Variants in HECW1 observed in about 807,000 individuals in gnomAD.
HECW1 encodes the protein HECT, C2 and WW domain containing E3 ubiquitin protein ligase 1.
Under a neutral mutation model 182.3 loss-of-function variants are expected in HECW1, and 61 were observed. The observed-to-expected ratio is 0.33, with a 90% confidence interval of 0.27 to 0.41. HECW1 has a LOEUF of 0.41. Ranked by LOEUF, HECW1 falls within the 10% of genes least tolerant of loss-of-function variation. HECW1 has a pLI of 1.00. For synonymous variants in HECW1, 859 were observed against 832.6 expected (o/e 1.03, Z -0.55); for missense variants, 1,739 against 2,108.9 (o/e 0.82, Z 3.44).
At chr7:43,217,894 G>C (rs2152700468) in intron 2 of HECW1, among the ~76,000 whole-genome samples, 1 of 152,304 alleles carries the variant, frequency 6.6e-6, no homozygotes, top group African/African-American at 2.4e-5. Flanking sequence ...CCCAAGAGCA[G>C]TGTTATCTAG....
chr7:43,418,213 A>T (rs1391837994), intron 8 of HECW1, among the ~76,000 whole-genome samples: 3 of 152,148 alleles, frequency 2.0e-5, no homozygotes, highest in Non-Finnish European at 4.4e-5. Context: ...CTTCATCTTA[A>T]CTTGATTACA....
intron 19 of HECW1, among the ~76,000 whole-genome samples, chr7:43,495,019 T>G (rs976698755): frequency 6.6e-6 from 1 of 152,178 alleles, no homozygotes; most frequent in Non-Finnish European, 1.5e-5. Flanking sequence ...AAGCAAAACT[T>G]CAGTGATCTA....
intron 8 of HECW1, among the ~76,000 whole-genome samples, chr7:43,433,827 T>C (rs1051639260): frequency 9.8e-5 from 15 of 152,352 alleles, no homozygotes; most frequent in African/African-American, 3.4e-4. Context: ...CATTTATTCA[T>C]TGGTTGGCCC....
rs181129357 is a variant in HECW1 at position 43,378,928 on chromosome 7, G to A, written c.556-17886G>A. On this transcript the variant is annotated intron_variant, in intron 6 of 29. Coordinates refer to ENST00000395891, the MANE Select transcript of HECW1 (RefSeq NM_015052.5). ...TAAAAAACCCTTTGCGCTTTGAACAGGAAAGAAAATAGGGACAACCTACCT... is the reference window on the plus strand; with the variant it reads ...TAAAAAACCCTTTGCGCTTTGAACAAGAAAGAAAATAGGGACAACCTACCT... 1.3e-3 allele frequency among the ~76,000 whole-genome samples: 193 copies of A among 152,262 alleles called. 1 individual carries two copies. Among genetic ancestry groups the A allele is most frequent in the African/African-American group, 4.3e-3 (178 of 41,560 alleles).
chr7:43,457,432 C>T (rs888963230), intron 13 of HECW1, among the ~76,000 whole-genome samples: 2 of 152,186 alleles, frequency 1.3e-5, no homozygotes, highest in African/African-American at 2.4e-5. Context: ...TGAGACTTAA[C>T]TGTTATCTGC....
intron 19 of HECW1, among the ~76,000 whole-genome samples, chr7:43,500,052 A>C (rs933654967): frequency 1.3e-5 from 2 of 151,662 alleles, no homozygotes; most frequent in African/African-American, 4.8e-5. Flanking sequence ...CTCACCCCGC[A>C]ACTCACTCTT....
At chr7:43,556,028 A>C (rs2082006251) in intron 29 of HECW1, among the ~76,000 whole-genome samples, 1 of 152,198 alleles carries the variant, frequency 6.6e-6, no homozygotes, top group African/African-American at 2.4e-5. Flanking sequence ...CTACAACCAC[A>C]CACCTGCCCG....
chr7:43,358,859 C>G (rs1815502167), intron 5 of HECW1, among the ~76,000 whole-genome samples: 1 of 120,222 alleles, frequency 8.3e-6, no homozygotes, highest in East Asian at 2.6e-4. Flanking sequence ...GAGTCTTGCT[C>G]TGTTGCCCAG....
chr7:43,409,934 C>T (rs2075742404), intron 8 of HECW1, among the ~76,000 whole-genome samples: 1 of 152,180 alleles, frequency 6.6e-6, no homozygotes, highest in Admixed American at 6.5e-5. Context: ...TATTTGGCTC[C>T]ATGCAAGGGA....
intron 26 of HECW1, among the ~76,000 whole-genome samples, chr7:43,546,218 C>T (rs1008471252): frequency 8.8e-6 from 1 of 114,086 alleles, no homozygotes; most frequent in Non-Finnish European, 2.0e-5. Context: ...TTACCCCCAA[C>T]CTTTTTTTTT....
chr7:43,406,224 A>G (rs2075605288), intron 7 of HECW1, among the ~76,000 whole-genome samples: 1 of 152,202 alleles, frequency 6.6e-6, no homozygotes, highest in Non-Finnish European at 1.5e-5. Context: ...AGTCTCCTAC[A>G]GCCCAAGACC....
At chr7:43,113,230 G>GCAGCGCCTCCCCCGCCCCT (rs1167717821) in intron 1 of HECW1, among the ~76,000 whole-genome samples, 32 of 152,178 alleles carry the variant, frequency 2.1e-4, no homozygotes, top group Admixed American at 3.3e-4. Context: ...AAGCGGGTTC[G>GCAGCGCCTCCCCCGCCCCT]CAGCGCCTCC....
chr7:43,304,093 T>C (rs1015034041), intron 3 of HECW1, among the ~76,000 whole-genome samples: 1 of 152,188 alleles, frequency 6.6e-6, no homozygotes, highest in African/African-American at 2.4e-5. Flanking sequence ...GCAGTGATTT[T>C]TGTGATCTCT....
At chr7:43,403,249 A>G (rs903168740) in intron 7 of HECW1, among the ~76,000 whole-genome samples, 1 of 152,242 alleles carries the variant, frequency 6.6e-6, no homozygotes, top group Non-Finnish European at 1.5e-5. Flanking sequence ...TAAATCTCAA[A>G]GAAGTGGCTT....
intron 3 of HECW1, among the ~76,000 whole-genome samples, chr7:43,301,042 C>G (rs1488466735): frequency 2.0e-5 from 3 of 152,202 alleles, no homozygotes; most frequent in Admixed American, 1.3e-4. Flanking sequence ...CACAGCAGCT[C>G]TGTCCACCTT....
chr7:43,347,300 G>T (rs1813813101), intron 5 of HECW1, among the ~76,000 whole-genome samples: 1 of 151,988 alleles, frequency 6.6e-6, no homozygotes, highest in African/African-American at 2.4e-5. Context: ...AAAAGGGGTT[G>T]AGTTCTTGAT....
At chr7:43,206,279 G>A (rs1014491388) in intron 2 of HECW1, among the ~76,000 whole-genome samples, 2 of 152,190 alleles carry the variant, frequency 1.3e-5, no homozygotes, top group African/African-American at 2.4e-5. Context: ...CTGCCACGGA[G>A]TCAAGAGGAT....
intron 13 of HECW1, among the ~76,000 whole-genome samples, chr7:43,456,715 C>G (rs1348900173): frequency 6.6e-6 from 1 of 152,120 alleles, no homozygotes; most frequent in Non-Finnish European, 1.5e-5. Flanking sequence ...AGTTTTTAAC[C>G]AAGGGCCAGT....
rs758085119 is a variant in HECW1, at chr7:43,269,354, C to A, written c.27+25422C>A. Among the ~76,000 whole-genome samples, 5 of 152,222 alleles carry A rather than the reference C, an allele frequency of 3.3e-5. No homozygotes were observed. The South Asian group carries it at 1.0e-3, about 32-fold the overall frequency. ...GTCTGCAGCAGTTTGAAGTTGCCCC[C>A]GATCCCTTTCCCTGACACACACTTC... On this transcript the variant is annotated intron_variant, in intron 3 of 29. Transcript: ENST00000395891.
Sources: allele counts gnomAD v4.1 joint callset (sites outside exome capture counted in the v4.1 genomes callset), GRCh38; gene constraint gnomAD v4.1.1; transcripts MANE v1.5; gene names NCBI Gene and HGNC (gene_info 2026-07-23, HGNC 2026-07-21).